GOSR1: variants seen among roughly 807,000 people sequenced by gnomAD.
The protein encoded by GOSR1 is 28 kDa Golgi SNARE protein.
GOSR1 carries 21 observed loss-of-function variants against 35.5 expected under a neutral mutation model. That is an observed-to-expected ratio of 0.59 (90% CI 0.42 to 0.85). The LOEUF is 0.85. GOSR1 is among the 40% of genes least tolerant of loss of function. The pLI is 0.00. For missense variants in GOSR1, 285 were observed against 309.6 expected (o/e 0.92, Z 0.60); for synonymous variants, 94 against 106.6 (o/e 0.88, Z 0.73).
chr17:30,490,384 C>G (rs1383389488), intron 5 of GOSR1, 167 bp downstream of exon 5: 9 of 483,098 alleles, frequency 1.9e-5, no homozygotes, highest in Non-Finnish European at 2.6e-5. Flanking sequence ...TCATCCTAAT[C>G]TACTTTTCCA....
intron 6 of GOSR1, among the ~76,000 whole-genome samples, chr17:30,509,185 C>T (rs1329376306): frequency 6.6e-6 from 1 of 152,206 alleles, no homozygotes; most frequent in Non-Finnish European, 1.5e-5. Flanking sequence ...CTGTGTTGGG[C>T]AGGCTGGTCA....
intron 6 of GOSR1, among the ~76,000 whole-genome samples, chr17:30,501,183 A>G (rs964435595): frequency 6.6e-6 from 1 of 152,136 alleles, no homozygotes; most frequent in African/African-American, 2.4e-5. Flanking sequence ...CCCGGCCACA[A>G]AGAACTCTTA....
chr17:30,508,904 CCA>C (rs1355868011), intron 6 of GOSR1, among the ~76,000 whole-genome samples: 2 of 152,206 alleles, frequency 1.3e-5, no homozygotes, highest in African/African-American at 2.4e-5. Flanking sequence ...ATTTAAATAG[CCA>C]CAGTCTGTCT....
chr17:30,498,699 G>A (rs528284283), intron 6 of GOSR1, among the ~76,000 whole-genome samples: 1 of 152,088 alleles, frequency 6.6e-6, no homozygotes, highest in South Asian at 2.1e-4. Context: ...GAAACGTCAC[G>A]CATTTACTCA....
chr17:30,521,604 C>A (rs868071525), intron 8 of GOSR1, among the ~76,000 whole-genome samples: 28 of 148,282 alleles, frequency 1.9e-4, no homozygotes, highest in Middle Eastern at 3.5e-3. Flanking sequence ...AAAAAAAAAT[C>A]AAAAAAAATG....
rs1968182490 is a variant in GOSR1, at chr17:30,526,361, T to C, written c.*3983T>C. 6.6e-6 allele frequency: 1 copy of C among 152,212 alleles called. No homozygotes were observed. The highest frequency in any genetic ancestry group is 6.5e-5 in the Admixed American group (1 of 15,282). The allele number at this position is 152,212 out of a possible 1,614,324, so 9.4% of individuals were successfully genotyped here. On this transcript the variant is annotated 3_prime_UTR_variant, in exon 9 of 9. Transcript: ENST00000451249. ...GAAAAAATATGAAAAACCATGACAA[T>C]AGGGCTGGGTGCAGTGGCTCACGCC...
chr17:30,493,895 T>G (rs182859926), intron 6 of GOSR1, among the ~76,000 whole-genome samples: 1 of 152,340 alleles, frequency 6.6e-6, no homozygotes, highest in African/African-American at 2.4e-5. Flanking sequence ...TTTACTATTA[T>G]ACACAGTAAA....
At chr17:30,498,176 TAATAA>T (rs1967071629) in intron 6 of GOSR1, among the ~76,000 whole-genome samples, 1 of 151,910 alleles carries the variant, frequency 6.6e-6, no homozygotes. Context: ...TAGATGGAGA[TAATAA>T]AATTTCAGTT....
intron 5 of GOSR1, among the ~76,000 whole-genome samples, chr17:30,492,370 A>T (rs1241514682): frequency 6.6e-6 from 1 of 152,184 alleles, no homozygotes; most frequent in Non-Finnish European, 1.5e-5. Flanking sequence ...TTGGAGAAAA[A>T]TGAAGATATC....
chr17:30,488,641 C>G (rs999289119), intron 4 of GOSR1, among the ~76,000 whole-genome samples: 3 of 149,190 alleles, frequency 2.0e-5, no homozygotes, highest in African/African-American at 7.4e-5. Flanking sequence ...TCAAGTGATT[C>G]TCCTGCCTCA....
Position 30,522,390 on chromosome 17 carries a change from C to T in GOSR1, c.*12C>T. On this transcript the variant is annotated 3_prime_UTR_variant, in exon 9 of 9. Transcript: ENST00000451249. The stretch of plus-strand genomic sequence containing the variant: ...ATGCGTTCCATTGATGGGACATCTT[C>T]AGGGACTCTTGACAGCCACCGCTTT... 11 of 1,550,588 alleles carry T rather than the reference C, an allele frequency of 7.1e-6. No homozygotes were observed. The highest frequency in any genetic ancestry group is 8.7e-6 in the Non-Finnish European group (10 of 1,145,878).
chr17:30,510,602 T>A (rs1967578826), intron 6 of GOSR1: 1 of 208,548 alleles, frequency 4.8e-6, no homozygotes, highest in East Asian at 1.1e-4. Flanking sequence ...TATTCGCAGC[T>A]ATTTGGGAAG....
rs540512441 is a variant in GOSR1, at chr17:30,515,064, C to T, written c.539+4155C>T. 5.6e-4 allele frequency among the ~76,000 whole-genome samples: 85 copies of T among 152,248 alleles called. 1 individual carries two copies. The highest frequency in any genetic ancestry group is 2.0e-3 in the African/African-American group (82 of 41,534). The stretch of plus-strand genomic sequence containing the variant: ...GCTGGGTGGTTTATTTGAACTCTGC[C>T]TTTCATGTTACCTCCTCACACATCT... On this transcript the variant is annotated intron_variant, in intron 7 of 8. Transcript: ENST00000451249.
intron 8 of GOSR1, chr17:30,520,522 G>A (rs1163606540): frequency 1.3e-5 from 2 of 152,172 alleles, no homozygotes; most frequent in Non-Finnish European, 2.9e-5. Context: ...TTCTCCACTT[G>A]TTTGTTGTAA....
Position 30,499,644 on chromosome 17 carries a change from C to G in GOSR1, c.509+6891C>G, listed in dbSNP as rs374391806. 4.9e-4 allele frequency among the ~76,000 whole-genome samples: 75 copies of G among 152,298 alleles called. 1 individual carries two copies. Among genetic ancestry groups the G allele is most frequent in the African/African-American group, 1.6e-3 (67 of 41,574 alleles). The stretch of plus-strand genomic sequence containing the variant: ...GCGTGAGCCACTGTACCCTGCCGTT[C>G]TCATTTCTCTTGAGTAAATACTTGG... On this transcript the variant is annotated intron_variant, in intron 6 of 8. Transcript: ENST00000451249.
intron 6 of GOSR1, among the ~76,000 whole-genome samples, chr17:30,505,255 C>T (rs757163012): frequency 2.0e-5 from 3 of 151,872 alleles, no homozygotes; most frequent in Non-Finnish European, 2.9e-5. Context: ...TAGAGAGAGG[C>T]CGGGTGTGGT....
chr17:30,500,949 C>T (rs1433559658), intron 6 of GOSR1, among the ~76,000 whole-genome samples: 1 of 149,338 alleles, frequency 6.7e-6, no homozygotes, highest in Non-Finnish European at 1.5e-5. Flanking sequence ...GGCGGGATCT[C>T]GGCTCACTGC....
intron 4 of GOSR1, 156 bp downstream of exon 4, chr17:30,484,926 T>C (rs1914586229): frequency 3.0e-6 from 2 of 668,870 alleles, no homozygotes; most frequent in Non-Finnish European, 5.5e-6. Context: ...TTTACTTTTT[T>C]TTGGGGTCAC....
In GOSR1 at chr17:30,484,677, T is replaced by C. The variant is rs1288764653; in HGVS notation, c.249T>C (p.Asn83=). The C allele has an allele frequency of 2.6e-6, 4 of 1,523,604 alleles. No individual in the cohort carries two copies. The highest frequency in any genetic ancestry group is 3.6e-6 in the Non-Finnish European group (4 of 1,117,000). The allele number at this position is 1,523,604 out of a possible 1,614,324, so 94.4% of individuals were successfully genotyped here. A position where few individuals can be genotyped will look rare whatever the true frequency, so the allele number is the denominator to read the frequency against. Residue 83 remains asparagine (N), a synonymous_variant, in exon 4 of 9, where the codon AAT becomes AAC. Transcript: ENST00000451249. ...TTTATTTCTAGCTTACAGGGGTAAA[T>C]GATAAAATGGCAGAATATACCAACA... The part of the protein sequence containing the change: ...EQLLARLTGV[N]DKMAEYTNSA...
Sources: gnomAD v4.1 joint callset for allele counts (sites outside exome capture counted in the v4.1 genomes callset) on GRCh38, gnomAD v4.1.1 for gene constraint, MANE v1.5 for transcripts, NCBI Gene and HGNC (gene_info 2026-07-23, HGNC 2026-07-21) for gene names.